The following LPP variants were observed in gnomAD, a reference collection of about 807,000 sequenced individuals.
LPP encodes the protein LIM domain containing preferred translocation partner in lipoma, also known as lipoma-preferred partner.
In LPP, 38 loss-of-function variants were observed where a neutral mutation model predicts 60.4. The observed-to-expected ratio is 0.63, with a 90% CI of 0.49 to 0.83. The LOEUF (loss-of-function observed/expected upper bound fraction) is 0.83. Ranked by LOEUF, LPP falls within the 40% of genes least tolerant of loss-of-function variation. LPP has a pLI of 0.00. For synonymous variants in LPP, 328 were observed against 290.8 expected (o/e 1.13, Z -1.30); for missense variants, 902 against 783.6 (o/e 1.15, Z -1.80).
intron 9 of LPP, among the ~76,000 whole-genome samples, chr3:188,781,763 GT>G (rs1279701442): frequency 6.6e-6 from 1 of 151,508 alleles, no homozygotes; most frequent in Non-Finnish European, 1.5e-5. Context: ...ATGGTGGCGG[GT>G]GCCTGTAGTC....
At chr3:188,474,193 C>G (rs1579179398) in intron 4 of LPP, among the ~76,000 whole-genome samples, 1 of 152,198 alleles carries the variant, frequency 6.6e-6, no homozygotes, top group East Asian at 1.9e-4. Context: ...AATATCATTA[C>G]TGTTTACTGA....
chr3:188,672,952 C>G (rs1044288908), intron 7 of LPP, among the ~76,000 whole-genome samples: 2 of 149,322 alleles, frequency 1.3e-5, no homozygotes, highest in African/African-American at 5.0e-5. Context: ...AAATTGTTTT[C>G]TTTTATTGTT....
chr3:188,547,600 T>A (rs11929451), intron 6 of LPP, among the ~76,000 whole-genome samples: 3 of 152,210 alleles, frequency 2.0e-5, no homozygotes, highest in Non-Finnish European at 4.4e-5. Flanking sequence ...CTCTTTTTTT[T>A]ACTTGGCATT....
At chr3:188,554,909 A>G (rs914840235) in intron 6 of LPP, among the ~76,000 whole-genome samples, 1 of 152,178 alleles carries the variant, frequency 6.6e-6, no homozygotes, top group Non-Finnish European at 1.5e-5. Context: ...AAAAGAGTTT[A>G]TATTACTGTG....
intron 4 of LPP, among the ~76,000 whole-genome samples, chr3:188,466,674 T>C (rs1800456796): frequency 6.6e-6 from 1 of 151,120 alleles, no homozygotes; most frequent in Non-Finnish European, 1.5e-5. Flanking sequence ...TTTTTTTCCC[T>C]AAATAAACTT....
intron 6 of LPP, among the ~76,000 whole-genome samples, chr3:188,566,774 A>G (rs193126165): frequency 6.6e-6 from 1 of 151,998 alleles, no homozygotes; most frequent in East Asian, 1.9e-4. Flanking sequence ...ATTAGTCAGC[A>G]ACACTTATTT....
At chr3:188,345,217 C>A (rs538784845) in intron 3 of LPP, among the ~76,000 whole-genome samples, 1 of 152,124 alleles carries the variant, frequency 6.6e-6, no homozygotes, top group African/African-American at 2.4e-5. Flanking sequence ...ATCTTCCAGG[C>A]AAAACCAATT....
intron 1 of LPP, chr3:188,179,512 AT>A: frequency 4.4e-6 from 2 of 457,668 alleles, no homozygotes; most frequent in Non-Finnish European, 8.8e-6. Flanking sequence ...TGCCCAGTGC[AT>A]TTTCTACACT....
intron 7 of LPP, among the ~76,000 whole-genome samples, chr3:188,674,980 T>G (rs776829878): frequency 7.9e-5 from 12 of 152,252 alleles, no homozygotes; most frequent in Non-Finnish European, 1.5e-4. Context: ...TCCTTGGCAA[T>G]ATTACTTTTT....
intron 6 of LPP, among the ~76,000 whole-genome samples, chr3:188,584,859 TTCTC>T (rs1390558230): frequency 6.6e-6 from 1 of 152,058 alleles, no homozygotes; most frequent in South Asian, 2.1e-4. Context: ...ATGGCCTGAG[TTCTC>T]TCTGTGATAT....
chr3:188,779,886 T>C (rs1372748788), intron 9 of LPP, among the ~76,000 whole-genome samples: 1 of 152,140 alleles, frequency 6.6e-6, no homozygotes. Flanking sequence ...TTTGGCTAAC[T>C]TCTAGTTCCT....
At chr3:188,355,646 A>G (rs1406391561) in intron 3 of LPP, among the ~76,000 whole-genome samples, 1 of 152,182 alleles carries the variant, frequency 6.6e-6, no homozygotes, top group Non-Finnish European at 1.5e-5. Context: ...ATATGTACAT[A>G]TATATGATCT....
chr3:188,319,686 A>T (rs1487244343), intron 2 of LPP, among the ~76,000 whole-genome samples: 2 of 152,250 alleles, frequency 1.3e-5, no homozygotes, highest in Non-Finnish European at 2.9e-5. Flanking sequence ...AACAGTACAA[A>T]GAGTTCCTGT....
intron 4 of LPP, among the ~76,000 whole-genome samples, chr3:188,411,233 C>T (rs114639749): frequency 0.016 from 2,473 of 152,172 alleles, 61 homozygotes; most frequent in African/African-American, 0.058. Context: ...CACCTTACTC[C>T]TGCAAGAATA....
In LPP at chr3:188,565,940, G is replaced by T. The variant is rs900132572; in HGVS notation, c.429+41153G>T. On this transcript the variant is annotated intron_variant, in intron 6 of 11. Transcript: ENST00000617246. ...TTCTCTATTTACCGTAAAGAGAGGTGTGGGTAGGAGATTGCACAGTGTCAC... is the reference window on the plus strand; with the variant it reads ...TTCTCTATTTACCGTAAAGAGAGGTTTGGGTAGGAGATTGCACAGTGTCAC... Among the ~76,000 whole-genome samples the T allele has an allele frequency of 8.6e-5, 13 of 151,950 alleles. No individual in the cohort carries two copies. The South Asian group carries it at 1.9e-3, about 22-fold the overall frequency.
At chr3:188,622,043 T>C (rs899092110) in intron 7 of LPP, among the ~76,000 whole-genome samples, 5 of 152,236 alleles carry the variant, frequency 3.3e-5, no homozygotes, top group African/African-American at 1.2e-4. Flanking sequence ...AAGTTTTGTC[T>C]ATTTCTATTT....
chr3:188,803,282 T>A lies in LPP; in HGVS notation c.1410+43000T>A, dbSNP rs548474629. Reference sequence around the variant, plus strand: ...CTGGTCTTGAACTCCTGGCCTCATGTGATCCACCTGCCTTGGCTAGGATTA... The same window carrying A: ...CTGGTCTTGAACTCCTGGCCTCATGAGATCCACCTGCCTTGGCTAGGATTA... On this transcript the variant is annotated intron_variant, in intron 9 of 11. Transcript: ENST00000617246. Among the ~76,000 whole-genome samples the A allele has an allele frequency of 1.7e-3, 253 of 152,270 alleles. 1 individual carries two copies. Among genetic ancestry groups the A allele is most frequent in the Non-Finnish European group, 3.0e-3 (201 of 68,014 alleles).
rs187724307 is a variant in LPP at position 188,461,776 on chromosome 3, C to A, written c.194-22816C>A. Among the ~76,000 whole-genome samples the A allele has an allele frequency of 3.3e-5, 5 of 152,246 alleles. No homozygotes were observed. In the East Asian group the frequency reaches 9.6e-4, roughly 29 times the overall value. On this transcript the variant is annotated intron_variant, in intron 4 of 11. Transcript: ENST00000617246. The stretch of plus-strand genomic sequence containing the variant: ...TCTTGCAAAGTTATTGTAGGCAGCA[C>A]CTTAATGAGGTTTTAAGGGAATTTT...
Position 188,884,160 on chromosome 3 carries a change from G to A in LPP, c.*9681G>A, listed in dbSNP as rs1281151226. 1.3e-5 allele frequency: 3 copies of A among 226,550 alleles called. No homozygotes were observed. Among genetic ancestry groups the A allele is most frequent in the Non-Finnish European group, 2.6e-5 (3 of 113,954 alleles). The allele number at this position is 226,550 out of a possible 1,614,324, so 14.0% of individuals were successfully genotyped here. A position where few individuals can be genotyped will look rare whatever the true frequency, so the allele number is the denominator to read the frequency against. ...CACAGAAAATAGCGCAGGGAGGACA[G>A]TTATTAGTACCCCTATTCTAGAAGA... On this transcript the variant is annotated 3_prime_UTR_variant, in exon 12 of 12. Coordinates refer to ENST00000617246, the MANE Select transcript of LPP (RefSeq NM_001375462.1).
Sources: allele counts gnomAD v4.1 joint callset (sites outside exome capture counted in the v4.1 genomes callset), GRCh38; gene constraint gnomAD v4.1.1; transcripts MANE v1.5; gene names NCBI Gene and HGNC (gene_info 2026-07-23, HGNC 2026-07-21).